The following CDH11 variants were observed in gnomAD, a reference collection of about 807,000 sequenced individuals.
CDH11 encodes cadherin-11.
Under a neutral mutation model 67.8 loss-of-function variants are expected in CDH11, and 11 were observed. The observed-to-expected ratio is 0.16, with a 90% CI of 0.10 to 0.27. CDH11 has a LOEUF of 0.27. Ranked by LOEUF, CDH11 falls within the 10% of genes least tolerant of loss-of-function variation. The pLI, the probability that CDH11 is intolerant of heterozygous loss-of-function variation, is 1.00. For missense variants in CDH11, 847 were observed against 1,031.2 expected, an observed-to-expected ratio of 0.82 and a Z score of 2.45; for synonymous variants, 419 against 400.0, an observed-to-expected ratio of 1.05 and a Z score of -0.57.
chr16:65,038,289 G>T (rs185571252), intron 2 of CDH11, among the ~76,000 whole-genome samples: 19 of 152,168 alleles, frequency 1.2e-4, no homozygotes, highest in Admixed American at 1.1e-3. Context: ...TTCGCGGGAC[G>T]CTGCTATCCC....
chr16:64,979,446 C>T (rs980213811), intron 8 of CDH11, among the ~76,000 whole-genome samples: 1 of 151,690 alleles, frequency 6.6e-6, no homozygotes, highest in Non-Finnish European at 1.5e-5. Flanking sequence ...AACTATGTCT[C>T]AGTAGCAAAT....
chr16:64,951,606 G>A (rs539765647), intron 11 of CDH11, among the ~76,000 whole-genome samples: 1 of 152,140 alleles, frequency 6.6e-6, no homozygotes. Context: ...CTCTATGTTA[G>A]CACACGAAAT....
At chr16:65,110,624 A>ATG (rs57316241) in intron 1 of CDH11, among the ~76,000 whole-genome samples, 7,607 of 135,738 alleles carry the variant, frequency 0.056, 227 homozygotes, top group Admixed American at 0.077. Context: ...ATGGCCAATG[A>ATG]TGTGTGTGTG....
chr16:65,113,083 C>T (rs961109574), intron 1 of CDH11, among the ~76,000 whole-genome samples: 2 of 152,172 alleles, frequency 1.3e-5, no homozygotes, highest in Admixed American at 6.5e-5. Flanking sequence ...GTCAGAATTT[C>T]GAGATAAGCT....
chr16:65,114,653 G>T (rs2075212663), intron 1 of CDH11, among the ~76,000 whole-genome samples: 1 of 152,108 alleles, frequency 6.6e-6, no homozygotes, highest in Non-Finnish European at 1.5e-5. Context: ...CAAGGTGCAG[G>T]CAGGAGGGAA....
chr16:65,039,940 C>G (rs1466186532), intron 2 of CDH11, among the ~76,000 whole-genome samples: 2 of 152,136 alleles, frequency 1.3e-5, no homozygotes, highest in African/African-American at 4.8e-5. Context: ...ATTTATGCAG[C>G]CAAAAGACGT....
chr16:64,952,917 G>C (rs1336664994), intron 11 of CDH11, among the ~76,000 whole-genome samples: 3 of 152,066 alleles, frequency 2.0e-5, no homozygotes, highest in Non-Finnish European at 4.4e-5. Context: ...TATCTGCCGG[G>C]AATTGGTTAT....
intron 2 of CDH11, among the ~76,000 whole-genome samples, chr16:65,029,380 A>G (rs1377756486): frequency 6.6e-6 from 1 of 152,224 alleles, no homozygotes. Context: ...ACATATTTTA[A>G]GAAGAAAAGT....
chr16:64,957,632 A>ACACC (rs746486163), intron 11 of CDH11, among the ~76,000 whole-genome samples: 8 of 134,734 alleles, frequency 5.9e-5, no homozygotes, highest in South Asian at 2.5e-4. Flanking sequence ...ACACACACAC[A>ACACC]CCCATCCATA....
At chr16:65,087,444 A>G (rs1272668456) in intron 1 of CDH11, among the ~76,000 whole-genome samples, 2 of 152,202 alleles carry the variant, frequency 1.3e-5, no homozygotes, top group Non-Finnish European at 2.9e-5. Context: ...GTATCAAGCA[A>G]TAAGTACTAG....
chr16:65,000,859 T>C (rs1417305913), intron 3 of CDH11, among the ~76,000 whole-genome samples: 3 of 151,856 alleles, frequency 2.0e-5, no homozygotes, highest in South Asian at 2.1e-4. Flanking sequence ...CTATGATTAT[T>C]ATCAATGCCA....
intron 1 of CDH11, among the ~76,000 whole-genome samples, chr16:65,107,798 T>C (rs1212661805): frequency 6.6e-6 from 1 of 152,060 alleles, no homozygotes; most frequent in Non-Finnish European, 1.5e-5. Flanking sequence ...CCATGCCAAG[T>C]GATTTGTGGA....
At chr16:64,981,995 C>G in intron 8 of CDH11, 53 bp downstream of exon 8, 1 of 1,526,830 alleles carries the variant, frequency 6.5e-7, no homozygotes, top group Non-Finnish European at 8.8e-7. Flanking sequence ...TTTCCCAGAA[C>G]CTCTTGACTC....
chr16:65,123,269 G>A (rs931623490), upstream of CDH11, among the ~76,000 whole-genome samples: 3 of 152,080 alleles, frequency 2.0e-5, no homozygotes, highest in Non-Finnish European at 4.4e-5. Flanking sequence ...AGAGGAGGCG[G>A]AGGAAGGTGG....
At chr16:65,027,967 C>T (rs2073567197) in intron 2 of CDH11, among the ~76,000 whole-genome samples, 1 of 152,040 alleles carries the variant, frequency 6.6e-6, no homozygotes, top group Non-Finnish European at 1.5e-5. Flanking sequence ...AGTCAGCTCA[C>T]TAAAATGAAT....
chr16:65,040,535 A>G (rs1190045213), intron 2 of CDH11, among the ~76,000 whole-genome samples: 1 of 150,470 alleles, frequency 6.6e-6, no homozygotes, highest in Non-Finnish European at 1.5e-5. Flanking sequence ...GAAGGGGAAC[A>G]TCACACCCTG....
Position 64,946,365 on chromosome 16 carries a change from GCATA to G in CDH11, c.*1234_*1237del. Reference sequence around the variant, plus strand: ...CCAGTTCCCCAGTGCTCAGTGTGGGGCATAGAATGTATACCTGGAACATTAGAGT... The same window carrying G: ...CCAGTTCCCCAGTGCTCAGTGTGGGGGAATGTATACCTGGAACATTAGAGT... On this transcript the variant is annotated 3_prime_UTR_variant, in exon 13 of 13. Coordinates refer to ENST00000268603, the MANE Select transcript of CDH11 (RefSeq NM_001797.4). 1.9e-6 allele frequency: 2 copies of G among 1,040,380 alleles called. No individual in the cohort carries two copies. The highest frequency in any genetic ancestry group is 2.3e-6 in the Non-Finnish European group (2 of 863,430). 64.4% of individuals were successfully genotyped at this position (1,040,380 alleles called of 1,614,324 possible). A position where few individuals can be genotyped will look rare whatever the true frequency, so the allele number is the denominator to read the frequency against.
chr16:65,087,947 A>G (rs1215460528), intron 1 of CDH11, among the ~76,000 whole-genome samples: 1 of 152,234 alleles, frequency 6.6e-6, no homozygotes, highest in East Asian at 1.9e-4. Flanking sequence ...TAAATTAAAT[A>G]AAGTTGGCAA....
intron 3 of CDH11, among the ~76,000 whole-genome samples, chr16:65,002,112 C>G (rs374457529): frequency 6.6e-6 from 1 of 152,230 alleles, no homozygotes; most frequent in African/African-American, 2.4e-5. Context: ...GAAAGATTCA[C>G]AGGACCAACC....
Sources: gnomAD v4.1 joint callset for allele counts (sites outside exome capture counted in the v4.1 genomes callset) on GRCh38, gnomAD v4.1.1 for gene constraint, MANE v1.5 for transcripts, NCBI Gene and HGNC (gene_info 2026-07-23, HGNC 2026-07-21) for gene names.